The following ASCC3 variants were observed in gnomAD, a reference collection of about 807,000 sequenced individuals.
ASCC3 encodes activating signal cointegrator 1 complex subunit 3, also known as ASC-1 complex subunit P200.
In ASCC3, 158 loss-of-function variants were observed where a neutral mutation model predicts 256.3. The observed-to-expected ratio is 0.62, with a 90% confidence interval of 0.54 to 0.70. The LOEUF is 0.70. Ranked by LOEUF, ASCC3 falls within the 30% of genes least tolerant of loss-of-function variation. The pLI, the probability that ASCC3 is intolerant of heterozygous loss-of-function variation, is 0.00. For missense variants in ASCC3, 2,259 were observed against 2,626.0 expected (o/e 0.86, Z 3.05); for synonymous variants, 948 against 883.4 (o/e 1.07, Z -1.30).
intron 37 of ASCC3, among the ~76,000 whole-genome samples, chr6:100,520,921 C>T (rs186256851): frequency 6.6e-4 from 101 of 152,282 alleles, no homozygotes; most frequent in African/African-American, 2.3e-3. Flanking sequence ...ACACACTCCA[C>T]CATCATCCTT....
At chr6:100,509,873 G>C (rs1490180169) in intron 41 of ASCC3, 59 bp downstream of exon 41, 28 of 1,530,268 alleles carry the variant, frequency 1.8e-5, no homozygotes, top group Non-Finnish European at 2.4e-5. Context: ...GGGCGACAGA[G>C]CGAGACTCCG....
intron 8 of ASCC3, among the ~76,000 whole-genome samples, chr6:100,774,278 C>T (rs1220910038): frequency 6.6e-6 from 1 of 152,166 alleles, no homozygotes; most frequent in Non-Finnish European, 1.5e-5. Flanking sequence ...CTGCCTCAAC[C>T]TTCTGAGTAC....
chr6:100,590,151 C>A, intron 34 of ASCC3, 92 bp from the exon 35 acceptor site: 1 of 864,744 alleles, frequency 1.2e-6, no homozygotes, highest in South Asian at 1.5e-5. Context: ...TAAATATAAT[C>A]CCCTTTTATT....
chr6:100,632,182 TA>T (rs35229827), intron 25 of ASCC3, among the ~76,000 whole-genome samples: 54,681 of 101,916 alleles, frequency 0.54, 12,290 homozygotes, highest in East Asian at 0.62. Flanking sequence ...GCAAACTATC[TA>T]AAAAAAAAAA....
chr6:100,750,032 G>A (rs953818681), intron 10 of ASCC3, among the ~76,000 whole-genome samples: 10 of 151,852 alleles, frequency 6.6e-5, no homozygotes, highest in South Asian at 2.1e-4. Flanking sequence ...GCAAATTTGC[G>A]GTTCTATTGC....
intron 13 of ASCC3, among the ~76,000 whole-genome samples, chr6:100,687,024 T>TCACACACACA (rs1241682611): frequency 6.3e-5 from 5 of 79,144 alleles, no homozygotes; most frequent in Admixed American, 5.6e-4. Context: ...TCTCTCTCTC[T>TCACACACACA]CTCTCTCTCT....
intron 37 of ASCC3, among the ~76,000 whole-genome samples, chr6:100,518,479 T>C (rs1249808049): frequency 6.6e-6 from 1 of 152,174 alleles, no homozygotes; most frequent in African/African-American, 2.4e-5. Context: ...TAATTCACTG[T>C]ATTAAGAACA....
At chr6:100,554,559 A>G (rs1048857753) in intron 36 of ASCC3, among the ~76,000 whole-genome samples, 2 of 152,174 alleles carry the variant, frequency 1.3e-5, no homozygotes, top group Non-Finnish European at 2.9e-5. Context: ...TTATAAAGTT[A>G]ATGAGTTCTA....
chr6:100,728,216 TAATAAAAAAACACAAA>T (rs1057424649), intron 10 of ASCC3, among the ~76,000 whole-genome samples: 2 of 151,804 alleles, frequency 1.3e-5, no homozygotes, highest in African/African-American at 4.8e-5. Context: ...TTTTCATATT[TAATAAAAAAACACAAA>T]AAAGAAGGGG....
chr6:100,535,467 T>A (rs917565193), intron 37 of ASCC3, among the ~76,000 whole-genome samples: 1 of 43,350 alleles, frequency 2.3e-5, no homozygotes, highest in African/African-American at 7.0e-5. Flanking sequence ...GGTTTTCGTG[T>A]TTTTTTTTTT....
At chr6:100,547,717 G>C (rs1445382799) in intron 36 of ASCC3, among the ~76,000 whole-genome samples, 1 of 151,900 alleles carries the variant, frequency 6.6e-6, no homozygotes, top group Non-Finnish European at 1.5e-5. Context: ...CAATTTCTTT[G>C]GAAAAGAGTC....
chr6:100,551,400 AGAAGTTAT>A (rs1339778816), intron 36 of ASCC3, among the ~76,000 whole-genome samples: 3 of 152,000 alleles, frequency 2.0e-5, no homozygotes, highest in Non-Finnish European at 2.9e-5. Flanking sequence ...GTATCTGTGA[AGAAGTTAT>A]GATTGAATTG....
chr6:100,580,466 G>C (rs1160105635), intron 36 of ASCC3, among the ~76,000 whole-genome samples: 2 of 151,438 alleles, frequency 1.3e-5, no homozygotes, highest in East Asian at 1.9e-4. Flanking sequence ...AAAGTGAATA[G>C]ATGTTTTAAT....
At chr6:100,620,458 A>G (rs1309004250) in intron 30 of ASCC3, among the ~76,000 whole-genome samples, 1 of 152,184 alleles carries the variant, frequency 6.6e-6, no homozygotes, top group Non-Finnish European at 1.5e-5. Context: ...AGATAGATGA[A>G]TAACTCTTTT....
chr6:100,544,425 ACAGAT>A (rs543428821), intron 36 of ASCC3, among the ~76,000 whole-genome samples: 191 of 152,220 alleles, frequency 1.3e-3, no homozygotes, highest in African/African-American at 4.5e-3. Flanking sequence ...CCTCTAGCAA[ACAGAT>A]CAGGGAAAAA....
At chr6:100,809,913 T>C (rs374825561) in intron 4 of ASCC3, among the ~76,000 whole-genome samples, 8 of 152,230 alleles carry the variant, frequency 5.3e-5, no homozygotes, top group African/African-American at 1.9e-4. Context: ...ATAAGAATAG[T>C]ATCCCAGCCC....
At position 100,606,812 on chromosome 6, in the gene ASCC3, G is replaced by T; in HGVS notation, c.4972C>A (p.His1658Asn). ...TCTGTTCCCTTAATAATTACTAAATGAGCTGGAAAGTTTACACCCCAGGCT... is the reference window on the plus strand; with the variant it reads ...TCTGTTCCCTTAATAATTACTAAATTAGCTGGAAAGTTTACACCCCAGGCT... ...TLAWGVNFPA[H>N]LVIIKGTEYY... Residue 1658 changes from histidine to asparagine, a missense_variant, in exon 32 of 42, where the codon CAT (histidine) becomes AAT (asparagine). Physicochemically the swap from His to Asn is moderately conservative, Grantham distance 68 (BLOSUM62 1). Coordinates refer to ENST00000369162, the MANE Select transcript of ASCC3 (RefSeq NM_006828.4). 1 of 1,612,030 alleles carries T rather than the reference G, an allele frequency of 6.2e-7. No individual in the cohort carries two copies. Among genetic ancestry groups the T allele is most frequent in the Non-Finnish European group, 8.5e-7 (1 of 1,179,102 alleles).
chr6:100,638,530 T>C, intron 25 of ASCC3, 71 bp downstream of exon 25: 1 of 1,307,120 alleles, frequency 7.7e-7, no homozygotes, highest in Admixed American at 1.9e-5. Context: ...CCAATATATT[T>C]AGAACTGTCT....
intron 10 of ASCC3, among the ~76,000 whole-genome samples, chr6:100,732,820 C>T (rs1261301489): frequency 6.6e-6 from 1 of 152,168 alleles, no homozygotes; most frequent in African/African-American, 2.4e-5. Flanking sequence ...CTGCCACAAC[C>T]TATACCTCAA....
Sources: gnomAD v4.1 joint callset for allele counts (sites outside exome capture counted in the v4.1 genomes callset) on GRCh38, gnomAD v4.1.1 for gene constraint, MANE v1.5 for transcripts, NCBI Gene and HGNC (gene_info 2026-07-23, HGNC 2026-07-21) for gene names.